IL3RA: variants seen among roughly 807,000 people sequenced by gnomAD.
IL3RA encodes interleukin-3 receptor subunit alpha.
IL3RA carries 73 observed loss-of-function variants against 52.3 expected under a neutral mutation model. That is an observed-to-expected ratio of 1.40 (90% confidence interval 1.16 to 1.70). IL3RA has a LOEUF of 1.70. Among genes scored for constraint, IL3RA ranks in the 40% most tolerant of loss-of-function variants. The pLI is 0.00. For synonymous variants in IL3RA, 260 were observed against 194.0 expected (o/e 1.34, Z -2.83); for missense variants, 664 against 504.4 (o/e 1.32, Z -3.03).
chrX:1,339,667 C>T (rs1366090144), intron 1 of IL3RA, among the ~76,000 whole-genome samples: 25 of 152,118 alleles, frequency 1.6e-4, no homozygotes, highest in African/African-American at 5.1e-4. Context: ...TGGCGGACAC[C>T]GGTAATCCCA....
intron 1 of IL3RA, among the ~76,000 whole-genome samples, chrX:1,338,831 G>A (rs1224162965): frequency 2.0e-5 from 3 of 151,874 alleles, no homozygotes; most frequent in African/African-American, 7.3e-5. Context: ...ACAGAGTCTC[G>A]CTCTGTCGCC....
chrX:1,367,630 G>A (rs1198508975), intron 9 of IL3RA, among the ~76,000 whole-genome samples: 10 of 106,294 alleles, frequency 9.4e-5, no homozygotes, highest in Non-Finnish European at 1.3e-4. Context: ...GGGGTGAGCG[G>A]GGTGCGCCGG....
In IL3RA at chrX:1,350,467, T is replaced by C. The variant is rs1469027055; in HGVS notation, c.299-1633T>C. On this transcript the variant is annotated intron_variant, in intron 4 of 11. Transcript: ENST00000331035. ...AGCCAGGGGTGGTGGCACATGCCTG[T>C]AGTCCCAGCTACTCAGGAGGCTGAG... is the stretch of plus-strand genomic sequence containing the variant. 3.5e-4 allele frequency among the ~76,000 whole-genome samples: 49 copies of C among 140,100 alleles called. No individual in the cohort carries two copies. In the East Asian group the frequency reaches 5.3e-3, roughly 15 times the overall value. 91.9% of individuals were successfully genotyped at this position (140,100 alleles called of 152,430 possible).
chrX:1,340,273 G>C (rs1282628070), intron 1 of IL3RA, among the ~76,000 whole-genome samples: 1 of 151,916 alleles, frequency 6.6e-6, no homozygotes, highest in Non-Finnish European at 1.5e-5. Context: ...ACTCCACCAC[G>C]CCTGGCTAAT....
At chrX:1,379,706 C>A (rs1268514717) in intron 10 of IL3RA, among the ~76,000 whole-genome samples, 1 of 152,260 alleles carries the variant, frequency 6.6e-6, no homozygotes. Context: ...GGGCCAGGAT[C>A]CGTCATGCAG....
At chrX:1,356,051 C>G (rs2086680791) in intron 6 of IL3RA, among the ~76,000 whole-genome samples, 170 bp from the exon 7 acceptor site, 1 of 151,972 alleles carries the variant, frequency 6.6e-6, no homozygotes, top group Non-Finnish European at 1.5e-5. Context: ...AGTCCTGTGT[C>G]TCTGCCTGTA....
At chrX:1,378,802 C>G in intron 10 of IL3RA, 38 bp downstream of exon 10, 7 of 1,525,408 alleles carry the variant, frequency 4.6e-6, no homozygotes, top group Non-Finnish European at 6.4e-6. Context: ...TCGCTTGTTT[C>G]CAGTGTGACC....
At position 1,348,691 on chromosome X, in the gene IL3RA, T is replaced by TC. The variant is rs1491542316; in HGVS notation, c.298+146_298+147insC. On this transcript the variant is annotated intron_variant, in intron 4 of 11. Coordinates refer to ENST00000331035, the MANE Select transcript of IL3RA (RefSeq NM_002183.4). ...CTTTCTTTCTTTCTTTCTTTCTTTCTTTTTCTTTCTTTCTGTTTCTGTTTC... is the reference window on the plus strand; with the variant it reads ...CTTTCTTTCTTTCTTTCTTTCTTTCTCTTTTCTTTCTTTCTGTTTCTGTTTC... The TC allele has an allele frequency of 1.2e-4, 25 of 212,980 alleles. 1 individual carries two copies. Among genetic ancestry groups the TC allele is most frequent in the Middle Eastern group, 1.4e-3 (1 of 714 alleles). The allele number at this position is 212,980 out of a possible 1,614,324, so 13.2% of individuals were successfully genotyped here.
intron 3 of IL3RA, among the ~76,000 whole-genome samples, chrX:1,347,903 G>A (rs1405482807): frequency 1.3e-5 from 2 of 151,486 alleles, no homozygotes; most frequent in Non-Finnish European, 2.9e-5. Context: ...CGGGCGTGGT[G>A]GCGGGCGCCT....
intron 8 of IL3RA, among the ~76,000 whole-genome samples, chrX:1,364,057 G>T (rs1367883552): frequency 1.3e-5 from 2 of 151,802 alleles, no homozygotes; most frequent in Non-Finnish European, 2.9e-5. Flanking sequence ...GCATGGTAGC[G>T]GGTGCCTGTA....
At chrX:1,348,663 T>TTTCC (rs1491494260) in intron 4 of IL3RA, 118 bp downstream of exon 4, 4 of 450,006 alleles carry the variant, frequency 8.9e-6, no homozygotes, top group Non-Finnish European at 1.5e-5. Flanking sequence ...TCTTTCTTTC[T>TTTCC]TTCTTTCTTT....
intron 6 of IL3RA, among the ~76,000 whole-genome samples, chrX:1,353,159 CTCA>C (rs1328398501): frequency 6.7e-6 from 1 of 148,776 alleles, no homozygotes; most frequent in Non-Finnish European, 1.5e-5. Context: ...CATGGGATCC[CTCA>C]TCGTGGGTTC....
intron 9 of IL3RA, among the ~76,000 whole-genome samples, chrX:1,368,510 G>C (rs757515067): frequency 3.5e-4 from 54 of 152,262 alleles, no homozygotes; most frequent in Non-Finnish European, 7.5e-4. Context: ...CGCTTGAATT[G>C]TGTTCCCTCA....
intron 9 of IL3RA, among the ~76,000 whole-genome samples, chrX:1,366,867 G>T (rs1460237354): frequency 4.4e-4 from 17 of 38,582 alleles, no homozygotes; most frequent in Non-Finnish European, 6.6e-4. Context: ...GGTGAGCGGG[G>T]TGCGCGGGGT....
At chrX:1,348,029 TCC>T (rs1443029077) in intron 3 of IL3RA, among the ~76,000 whole-genome samples, 37 of 74,540 alleles carry the variant, frequency 5.0e-4, no homozygotes, top group African/African-American at 1.7e-3. Flanking sequence ...AGAGCGAGAC[TCC>T]CTCTCAAAAA....
chrX:1,363,145 C>G (rs1425880532), intron 8 of IL3RA, among the ~76,000 whole-genome samples: 1 of 151,876 alleles, frequency 6.6e-6, no homozygotes, highest in Non-Finnish European at 1.5e-5. Context: ...ATGACATCAT[C>G]TCAATCTATA....
intron 10 of IL3RA, among the ~76,000 whole-genome samples, 166 bp from the exon 11 acceptor site, chrX:1,380,857 C>T (rs190095358): frequency 2.4e-4 from 36 of 151,580 alleles, no homozygotes; most frequent in East Asian, 2.2e-3. Context: ...TGATGATGGT[C>T]GGGGGCGTGT....
intron 3 of IL3RA, among the ~76,000 whole-genome samples, 166 bp from the exon 4 acceptor site, chrX:1,348,265 A>G (rs1194756334): frequency 6.6e-6 from 1 of 151,042 alleles, no homozygotes; most frequent in Non-Finnish European, 1.5e-5. Flanking sequence ...AAGCAGGAGA[A>G]TGGCTTGAAC....
At chrX:1,378,182 CA>C (rs370693489) in intron 9 of IL3RA, among the ~76,000 whole-genome samples, 24,385 of 86,026 alleles carry the variant, frequency 0.28, 2,005 homozygotes, top group Middle Eastern at 0.42. Context: ...GACTCCATCT[CA>C]AAAAAAAAAA....
Sources: allele counts gnomAD v4.1 joint callset (sites outside exome capture counted in the v4.1 genomes callset), GRCh38; gene constraint gnomAD v4.1.1; transcripts MANE v1.5; gene names NCBI Gene and HGNC (gene_info 2026-07-23, HGNC 2026-07-21).